SHMT2: variants seen among roughly 807,000 people sequenced by gnomAD.
The protein encoded by SHMT2 is serine hydroxymethyltransferase, mitochondrial.
A neutral mutation model predicts 59.6 loss-of-function variants in SHMT2; 38 were observed. The observed-to-expected ratio is 0.64, with a 90% confidence interval of 0.49 to 0.84. The LOEUF is 0.84. Among genes scored for constraint, SHMT2 ranks in the 40% least tolerant of loss-of-function variants. The pLI, the probability that SHMT2 is intolerant of heterozygous loss-of-function variation, is 0.00. For missense variants in SHMT2, 533 were observed against 659.5 expected, an observed-to-expected ratio of 0.81 and a Z score of 2.10; for synonymous variants, 254 against 258.1, an observed-to-expected ratio of 0.98 and a Z score of 0.15.
intron 5 of SHMT2, 73 bp downstream of exon 5, chr12:57,232,365 G>A: frequency 6.2e-7 from 1 of 1,613,306 alleles, no homozygotes; most frequent in Admixed American, 1.7e-5. Flanking sequence ...CTGAGGGCCT[G>A]GAGCGCCGGG....
Position 57,233,864 on chromosome 12 carries a change from T to C in SHMT2, c.1239T>C (p.Pro413=). Residue 413 remains proline, a synonymous_variant, in exon 10 of 12, where the codon CCT becomes CCC. Coordinates refer to ENST00000328923, the MANE Select transcript of SHMT2 (RefSeq NM_005412.6). ...VSITANKNTC[P]GDRSAITPGG... is the part of the protein sequence containing the mutation. ...TCACTGCCAACAAGAACACCTGTCC[T>C]GGAGACCGAAGTGCCATCACACCGG... is the stretch of plus-strand genomic sequence containing the variant. 6.2e-6 allele frequency: 10 copies of C among 1,614,216 alleles called. No homozygotes were observed. Among genetic ancestry groups the C allele is most frequent in the Non-Finnish European group, 8.5e-6 (10 of 1,180,038 alleles).
chr12:57,233,758 A>G lies in SHMT2; in HGVS notation c.1133A>G (p.Asp378Gly), dbSNP rs766445638. 5 of 1,614,196 alleles carry G rather than the reference A, an allele frequency of 3.1e-6. No homozygotes were observed. In the South Asian group the frequency reaches 4.4e-5, roughly 14 times the overall value. The change falls in exon 10 of 12, where the codon GAC becomes GGC. Residue 378 changes from aspartate (D) to glycine (G), a missense_variant. Transcript: ENST00000328923. ...TTCTTACCCACCTTAGGTGGTACTG[A>G]CAACCACCTGGTGCTGGTGGACCTG... ...RGYSLVSGGT[D>G]NHLVLVDLRP... is the part of the protein sequence containing the mutation.
At chr12:57,230,344 C>G (rs1264774142) in intron 1 of SHMT2, 1 of 1,138,310 alleles carries the variant, frequency 8.8e-7, no homozygotes, top group African/African-American at 1.6e-5. Context: ...TGCTAAAGGT[C>G]TCCCCTCCCA....
At chr12:57,232,347 T>G in intron 5 of SHMT2, 55 bp downstream of exon 5, 3 of 1,612,996 alleles carry the variant, frequency 1.9e-6, no homozygotes, top group African/African-American at 2.7e-5. Flanking sequence ...GGTCCTCCCC[T>G]GGAGAAGCTG....
At chr12:57,232,981 T>C in intron 7 of SHMT2, 138 bp downstream of exon 7, 1 of 1,332,414 alleles carries the variant, frequency 7.5e-7, no homozygotes, top group Non-Finnish European at 1.0e-6. Context: ...GAGTTCTCCT[T>C]CTCTTGCCCA....
Position 57,232,536 on chromosome 12 carries a change from C to T in SHMT2, c.678C>T (p.Ser226=), listed in dbSNP as rs770832478. 13 of 1,614,082 alleles carry T rather than the reference C, an allele frequency of 8.1e-6. No individual in the cohort carries two copies. Among genetic ancestry groups the T allele is most frequent in the East Asian group, 4.5e-5 (2 of 44,898 alleles). ...FRPRLIIAGT[S]AYARLIDYAR... ...CACGGCTCATCATAGCTGGCACCAGCGCCTATGCTCGCCTCATTGACTACG... is the reference window on the plus strand; with the variant it reads ...CACGGCTCATCATAGCTGGCACCAGTGCCTATGCTCGCCTCATTGACTACG... Residue 226 remains serine (S), a synonymous_variant, in exon 6 of 12, where the codon AGC becomes AGT. Coordinates refer to ENST00000328923, the MANE Select transcript of SHMT2 (RefSeq NM_005412.6).
At chr12:57,233,477 G>T in intron 8 of SHMT2, 86 bp from the exon 9 acceptor site, 2 of 1,515,956 alleles carry the variant, frequency 1.3e-6, no homozygotes, top group South Asian at 1.2e-5. Context: ...TGGGGTCACA[G>T]AGCTATGCTG....
intron 4 of SHMT2, 31 bp from the exon 5 acceptor site, chr12:57,232,180 C>T: frequency 6.2e-7 from 1 of 1,604,254 alleles, no homozygotes; most frequent in Non-Finnish European, 8.5e-7. Flanking sequence ...GTCCTTCCAC[C>T]CAGGCCTTCT....
intron 1 of SHMT2, chr12:57,230,296 C>T (rs959925157): frequency 2.6e-6 from 3 of 1,158,642 alleles, no homozygotes; most frequent in Admixed American, 8.6e-5. Flanking sequence ...GGGCAGATCC[C>T]CACCCCCACC....
chr12:57,229,977 G>C, intron 1 of SHMT2, 166 bp downstream of exon 1: 1 of 1,450,572 alleles, frequency 6.9e-7, no homozygotes, highest in Non-Finnish European at 9.1e-7. Context: ...CCCTGGGCGC[G>C]CGTGGAGTTA....
chr12:57,233,780 C>G lies in SHMT2; in HGVS notation c.1155C>G (p.Asp385Glu), dbSNP rs1273994701. The G allele has an allele frequency of 1.9e-6, 3 of 1,614,128 alleles. No individual in the cohort carries two copies. The highest frequency in any genetic ancestry group is 3.3e-5 in the Admixed American group (2 of 60,012). ...CTGACAACCACCTGGTGCTGGTGGACCTGCGGCCCAAGGGCCTGGATGGAG... is the reference window on the plus strand; with the variant it reads ...CTGACAACCACCTGGTGCTGGTGGAGCTGCGGCCCAAGGGCCTGGATGGAG... ...GGTDNHLVLVDLRPKGLDGAR... is the reference protein window; with the variant it reads ...GGTDNHLVLVELRPKGLDGAR... The change falls in exon 10 of 12, where the codon GAC (aspartate) becomes GAG (glutamate). Residue 385 changes from aspartate (D) to glutamate (E), a missense_variant. Physicochemically the swap from Asp to Glu is conservative, Grantham distance 45. Coordinates refer to ENST00000328923, the MANE Select transcript of SHMT2 (RefSeq NM_005412.6).
rs1247565549 is a variant in SHMT2 at position 57,233,866 on chromosome 12, G to A, written c.1241G>A (p.Gly414Glu). The part of the protein sequence containing the change: ...SITANKNTCP[G>E]DRSAITPGGL... The stretch of plus-strand genomic sequence containing the variant: ...ACTGCCAACAAGAACACCTGTCCTG[G>A]AGACCGAAGTGCCATCACACCGGGC... Residue 414 changes from glycine to glutamate, a missense_variant, in exon 10 of 12, where the codon GGA becomes GAA. Coordinates refer to ENST00000328923, the MANE Select transcript of SHMT2 (RefSeq NM_005412.6). 2 of 1,614,120 alleles carry A rather than the reference G, an allele frequency of 1.2e-6. No homozygotes were observed. Among genetic ancestry groups the A allele is most frequent in the African/African-American group, 2.7e-5 (2 of 74,934 alleles).
chr12:57,230,227 T>C, intron 1 of SHMT2: 1 of 1,242,072 alleles, frequency 8.1e-7, no homozygotes, highest in Non-Finnish European at 1.0e-6. Context: ...CAGTGAGGGC[T>C]GGAAGGAGGT....
chr12:57,231,925 T>A lies in SHMT2; in HGVS notation c.512+12T>A, dbSNP rs374452114. 1.6e-4 allele frequency: 255 copies of A among 1,598,510 alleles called. No homozygotes were observed. In the African/African-American group the frequency reaches 3.1e-3, roughly 20 times the overall value. On this transcript the variant is annotated intron_variant, in intron 4 of 11. Coordinates refer to ENST00000328923, the MANE Select transcript of SHMT2 (RefSeq NM_005412.6). Reference sequence around the variant, plus strand: ...CCCGATGGGGGCCAGTGAGTATGGATGGGCTGGCTGATGGTCTTGGCGGCA... The same window carrying A: ...CCCGATGGGGGCCAGTGAGTATGGAAGGGCTGGCTGATGGTCTTGGCGGCA...
chr12:57,230,768 T>A (rs1234509451), intron 1 of SHMT2, 35 bp from the exon 2 acceptor site: 38 of 1,610,472 alleles, frequency 2.4e-5, no homozygotes, highest in Non-Finnish European at 3.2e-5. Context: ...TTGTCTGGAC[T>A]GTTGTGATTT....
chr12:57,229,833 C>T (rs1165761608), intron 1 of SHMT2, 22 bp downstream of exon 1: 10 of 1,614,068 alleles, frequency 6.2e-6, no homozygotes, highest in Non-Finnish European at 8.5e-6. Context: ...GCTCCAAACG[C>T]TGGGTAATCA....
At position 57,232,508 on chromosome 12, in the gene SHMT2, G is replaced by A. The variant is rs755954996; in HGVS notation, c.650G>A (p.Arg217Gln). 9.3e-6 allele frequency: 15 copies of A among 1,614,058 alleles called. No individual in the cohort carries two copies. Among genetic ancestry groups the A allele is most frequent in the East Asian group, 4.5e-5 (2 of 44,888 alleles). ...NQLALTARLFRPRLIIAGTSA... is the reference protein window; with the variant it reads ...NQLALTARLFQPRLIIAGTSA... ...CTGGCACTGACTGCTCGACTTTTCC[G>A]GCCACGGCTCATCATAGCTGGCACC... Residue 217 changes from arginine to glutamine, a missense_variant, in exon 6 of 12, where the codon CGG becomes CAG. Coordinates refer to ENST00000328923, the MANE Select transcript of SHMT2 (RefSeq NM_005412.6).
At chr12:57,231,134 T>C in intron 2 of SHMT2, 134 bp downstream of exon 2, 2 of 901,104 alleles carry the variant, frequency 2.2e-6, no homozygotes, top group Non-Finnish European at 3.4e-6. Flanking sequence ...TCCTTTCTTA[T>C]CTCCCTCAAG....
chr12:57,233,465 G>T, intron 8 of SHMT2, 98 bp from the exon 9 acceptor site: 1 of 1,510,310 alleles, frequency 6.6e-7, no homozygotes, highest in Admixed American at 2.0e-5. Context: ...AGGAGTCAAG[G>T]CTGGGGTCAC....
Sources: gnomAD v4.1 joint callset for allele counts on GRCh38, gnomAD v4.1.1 for gene constraint, MANE v1.5 for transcripts, NCBI Gene and HGNC (gene_info 2026-07-23, HGNC 2026-07-21) for gene names.